The following NYAP2 variants were observed in gnomAD, a reference collection of about 807,000 sequenced individuals.
NYAP2 encodes neuronal tyrosine-phosphorylated phosphoinositide-3-kinase adapter 2.
NYAP2 carries 23 observed loss-of-function variants against 50.4 expected under a neutral mutation model. The observed-to-expected ratio is 0.46, with a 90% CI of 0.33 to 0.65. NYAP2 has a LOEUF of 0.65. NYAP2 is among the 30% of genes least tolerant of loss of function. NYAP2 has a pLI of 0.02. For missense variants in NYAP2, 885 were observed against 861.0 expected (o/e 1.03, Z -0.35); for synonymous variants, 394 against 365.2 (o/e 1.08, Z -0.90).
In NYAP2 at chr2:225,555,430, G is replaced by T. The variant is rs75174461; in HGVS notation, c.524-26511G>T. On this transcript the variant is annotated intron_variant, in intron 4 of 6. Coordinates refer to ENST00000636099, the Ensembl canonical transcript of NYAP2. ...TTTTAGAGTTGCCATCACAACCGAA[G>T]ATTCTATGTTGTTAAAATCTCTTAG... 6.0e-3 allele frequency among the ~76,000 whole-genome samples: 910 copies of T among 152,100 alleles called. 7 individuals carry two copies. The highest frequency in any genetic ancestry group is 0.021 in the African/African-American group (877 of 41,502).
intron 3 of NYAP2, among the ~76,000 whole-genome samples, chr2:225,426,183 TATAATATAATGTAG>T (rs1412185751): frequency 1.3e-5 from 2 of 151,952 alleles, no homozygotes; most frequent in African/African-American, 4.8e-5. Context: ...CACCTCAATC[TATAATATAATGTAG>T]CAGTGGGATC....
intron 5 of NYAP2, among the ~76,000 whole-genome samples, chr2:225,621,112 CAAAAA>C (rs35570419): frequency 1.0e-5 from 1 of 98,486 alleles, no homozygotes. Flanking sequence ...GACTCCGTCT[CAAAAA>C]AAAAAAAAAA....
At chr2:225,524,573 C>T (rs1392448929) in intron 4 of NYAP2, among the ~76,000 whole-genome samples, 1 of 152,100 alleles carries the variant, frequency 6.6e-6, no homozygotes, top group Non-Finnish European at 1.5e-5. Context: ...TGGATCCATA[C>T]CTCTCAGCAT....
At chr2:225,603,506 C>T (rs996699444) in intron 5 of NYAP2, among the ~76,000 whole-genome samples, 1 of 152,190 alleles carries the variant, frequency 6.6e-6, no homozygotes. Context: ...TCTGTCACCC[C>T]GCTGGAGTGC....
rs1689947552 is a variant in NYAP2, at chr2:225,467,931, A to G, written c.222-45440A>G. ...TGGGATAGAGGGGTGAAAAAAAAGCAGACATAGTGAGTACTCCAGGGAGTC... is the reference window on the plus strand; with the variant it reads ...TGGGATAGAGGGGTGAAAAAAAAGCGGACATAGTGAGTACTCCAGGGAGTC... On this transcript the variant is annotated intron_variant, in intron 3 of 6. Coordinates refer to ENST00000636099, the Ensembl canonical transcript of NYAP2. Among the ~76,000 whole-genome samples the G allele has an allele frequency of 2.0e-5, 3 of 152,206 alleles. 1 individual carries two copies. In the South Asian group the frequency reaches 6.2e-4, roughly 31 times the overall value.
At chr2:225,455,526 G>T (rs1689726340) in intron 3 of NYAP2, among the ~76,000 whole-genome samples, 1 of 152,094 alleles carries the variant, frequency 6.6e-6, no homozygotes, top group Non-Finnish European at 1.5e-5. Flanking sequence ...TCAATGGGCA[G>T]GATAGGCAAT....
chr2:225,532,165 C>T (rs1691266529), intron 4 of NYAP2, among the ~76,000 whole-genome samples: 1 of 152,140 alleles, frequency 6.6e-6, no homozygotes, highest in African/African-American at 2.4e-5. Flanking sequence ...TCTTAGAGGA[C>T]AGGTATATAT....
chr2:225,632,832 A>C (rs1693346277), intron 6 of NYAP2, among the ~76,000 whole-genome samples: 1 of 152,206 alleles, frequency 6.6e-6, no homozygotes, highest in Admixed American at 6.5e-5. Flanking sequence ...TACCCCCCAC[A>C]GACTGTAAAA....
chr2:225,615,064 G>C (rs1040225848), intron 5 of NYAP2, among the ~76,000 whole-genome samples: 5 of 152,142 alleles, frequency 3.3e-5, no homozygotes, highest in Non-Finnish European at 7.4e-5. Flanking sequence ...GATTTTATAG[G>C]ACATTTGATG....
At chr2:225,689,696 G>A in the NYAP2 span, among the ~76,000 whole-genome samples, 1 of 152,074 alleles carries the variant, frequency 6.6e-6, no homozygotes, top group African/African-American at 2.4e-5. Context: ...AGTCAACAGT[G>A]CTGATAAATG....
intron 3 of NYAP2, among the ~76,000 whole-genome samples, chr2:225,489,558 C>G (rs779501492): frequency 2.0e-5 from 3 of 152,138 alleles, no homozygotes; most frequent in Non-Finnish European, 4.4e-5. Flanking sequence ...ACAATAGATT[C>G]CTGTTTTCCT....
chr2:225,586,152 C>G (rs1330683817), intron 5 of NYAP2, among the ~76,000 whole-genome samples: 2 of 152,022 alleles, frequency 1.3e-5, no homozygotes, highest in African/African-American at 4.8e-5. Flanking sequence ...TTAAGGAAAA[C>G]GATGTCAAAT....
At chr2:225,652,401 C>T (rs1280559572) in exon 7 of NYAP2, 1 of 152,116 alleles carries the variant, frequency 6.6e-6, no homozygotes, top group Non-Finnish European at 1.5e-5. Context: ...GAAATAAAGG[C>T]ATAAACTGAA....
intron 3 of NYAP2, among the ~76,000 whole-genome samples, chr2:225,493,799 C>T (rs1690453239): frequency 6.6e-6 from 1 of 152,160 alleles, no homozygotes; most frequent in South Asian, 2.1e-4. Context: ...TTGCTAATTT[C>T]CATGGTGGAA....
At chr2:225,457,303 C>T (rs1306761752) in intron 3 of NYAP2, among the ~76,000 whole-genome samples, 1 of 152,090 alleles carries the variant, frequency 6.6e-6, no homozygotes, top group Non-Finnish European at 1.5e-5. Flanking sequence ...ATGAAGCTCT[C>T]AGGTTTATTT....
chr2:225,440,049 T>C (rs1209347109), intron 3 of NYAP2, among the ~76,000 whole-genome samples: 1 of 152,208 alleles, frequency 6.6e-6, no homozygotes, highest in Non-Finnish European at 1.5e-5. Context: ...TAGAACAGCA[T>C]GTGGGAACCA....
At chr2:225,435,797 A>G (rs1689365945) in intron 3 of NYAP2, among the ~76,000 whole-genome samples, 1 of 152,214 alleles carries the variant, frequency 6.6e-6, no homozygotes, top group African/African-American at 2.4e-5. Flanking sequence ...TAGTTATTAA[A>G]CATATATTTA....
At chr2:225,513,405 A>G (rs1219687588) in exon 4 of NYAP2, 1 of 1,614,008 alleles carries the variant, frequency 6.2e-7, no homozygotes, top group Non-Finnish European at 8.5e-7. Flanking sequence ...CCACGAAGGA[A>G]GTTACGTGGG....
intron 4 of NYAP2, among the ~76,000 whole-genome samples, chr2:225,530,016 A>G (rs1466474013): frequency 2.6e-5 from 4 of 152,088 alleles, no homozygotes; most frequent in African/African-American, 9.7e-5. Flanking sequence ...CTCAGTCAGT[A>G]TTTTTTTAGA....
Sources: allele counts gnomAD v4.1 joint callset (sites outside exome capture counted in the v4.1 genomes callset), GRCh38; gene constraint gnomAD v4.1.1; transcripts MANE v1.5; gene names NCBI Gene and HGNC (gene_info 2026-07-23, HGNC 2026-07-21).